DMD: variants seen among roughly 807,000 people sequenced by gnomAD.
DMD encodes dystrophin.
Under a neutral mutation model 330.1 loss-of-function variants are expected in DMD, and 63 were observed. That is an observed-to-expected ratio of 0.19 (90% confidence interval 0.16 to 0.24). The LOEUF (loss-of-function observed/expected upper bound fraction) is 0.24. DMD is among the 10% of genes least tolerant of loss of function. DMD has a pLI of 1.00. For synonymous variants in DMD, 1,223 were observed against 959.8 expected (o/e 1.27, Z -5.07); for missense variants, 3,344 against 2,684.1 (o/e 1.25, Z -5.43).
At chrX:31,403,057 T>C (rs1197271111) in intron 60 of DMD, among the ~76,000 whole-genome samples, 10 of 112,061 alleles carry the variant, frequency 8.9e-5, no homozygotes, top group African/African-American at 2.9e-4. Flanking sequence ...CTAGTATCAC[T>C]AGGAAAAGAC....
intron 34 of DMD, among the ~76,000 whole-genome samples, chrX:32,374,669 A>G (rs965899852): frequency 4.5e-5 from 5 of 111,638 alleles, no homozygotes; most frequent in Admixed American, 9.5e-5. Flanking sequence ...CTAGGTGTCT[A>G]TATCTGTAAT....
At chrX:31,437,230 C>T (rs1181695629) in intron 60 of DMD, among the ~76,000 whole-genome samples, 1 of 112,144 alleles carries the variant, frequency 8.9e-6, no homozygotes. Context: ...AACACAACTG[C>T]TTTACTTACA....
At chrX:32,456,578 TTGTGTGTGTG>T (rs60876331) in intron 25 of DMD, among the ~76,000 whole-genome samples, 3,970 of 89,464 alleles carry the variant, frequency 0.044, 246 homozygotes, top group African/African-American at 0.15. Context: ...CATACATACT[TTGTGTGTGTG>T]TGTGTGTGTG....
Position 31,134,197 on chromosome X carries a change from T to C in DMD, c.10922-3A>G. On this transcript the variant is annotated splice_region_variant and splice_polypyrimidine_tract_variant and intron_variant, in intron 76 of 78. Transcript: ENST00000357033. ...AGGACTGAGAAGATCTTCCTCACCTTAATAAAAGCAAAAACAAATAATGGA... is the reference window on the plus strand; with the variant it reads ...AGGACTGAGAAGATCTTCCTCACCTCAATAAAAGCAAAAACAAATAATGGA... The C allele has an allele frequency of 1.7e-6, 2 of 1,198,237 alleles. No individual in the cohort carries two copies. The highest frequency in any genetic ancestry group is 2.3e-6 in the Non-Finnish European group (2 of 884,296).
intron 62 of DMD, among the ~76,000 whole-genome samples, chrX:31,313,155 AT>A (rs754148823): frequency 4.6e-4 from 49 of 107,015 alleles, no homozygotes; most frequent in African/African-American, 1.6e-3. Flanking sequence ...AGAATCAAAC[AT>A]TTTAAAAATT....
intron 43 of DMD, among the ~76,000 whole-genome samples, chrX:32,247,148 T>C (rs1292688113): frequency 9.0e-6 from 1 of 111,307 alleles, no homozygotes; most frequent in Non-Finnish European, 1.9e-5. Context: ...CAAAGACATA[T>C]ATAAGTAAAG....
intron 7 of DMD, among the ~76,000 whole-genome samples, chrX:32,802,058 T>C (rs767671148): frequency 4.5e-5 from 5 of 112,256 alleles, no homozygotes; most frequent in Non-Finnish European, 9.4e-5. Flanking sequence ...AAGTGAATTG[T>C]AGCTTAATGA....
At chrX:31,682,382 C>G (rs898901900) in intron 52 of DMD, among the ~76,000 whole-genome samples, 1 of 111,381 alleles carries the variant, frequency 9.0e-6, no homozygotes, top group Admixed American at 9.5e-5. Context: ...TTTTGTGTGT[C>G]TCATTGTTGT....
intron 47 of DMD, among the ~76,000 whole-genome samples, chrX:31,913,706 G>C (rs887946947): frequency 2.7e-5 from 3 of 109,282 alleles, no homozygotes; most frequent in African/African-American, 1.0e-4. Context: ...ATCCATTCCA[G>C]AGGAAGATTT....
intron 11 of DMD, among the ~76,000 whole-genome samples, chrX:32,642,288 G>A (rs958261493): frequency 1.8e-5 from 2 of 112,223 alleles, no homozygotes; most frequent in East Asian, 5.6e-4. Context: ...GTGGTTACAT[G>A]TACGTGTCTC....
At chrX:32,369,045 TG>T in intron 34 of DMD, among the ~76,000 whole-genome samples, 1 of 111,422 alleles carries the variant, frequency 9.0e-6, no homozygotes, top group Non-Finnish European at 1.9e-5. Flanking sequence ...ACTATATACT[TG>T]GCACTAAGGG....
intron 44 of DMD, among the ~76,000 whole-genome samples, chrX:32,190,708 C>A (rs747595516): frequency 2.8e-5 from 3 of 107,325 alleles, no homozygotes; most frequent in African/African-American, 1.0e-4. Flanking sequence ...AAAAGCCCAA[C>A]TGACGAGTAG....
intron 43 of DMD, among the ~76,000 whole-genome samples, chrX:32,251,352 T>G (rs1384499590): frequency 9.0e-6 from 1 of 110,932 alleles, no homozygotes; most frequent in Admixed American, 9.6e-5. Context: ...CCACGTTTCA[T>G]GTAGATGTTT....
At chrX:32,684,290 G>A (rs1008874743) in intron 9 of DMD, among the ~76,000 whole-genome samples, 2 of 111,317 alleles carry the variant, frequency 1.8e-5, no homozygotes, top group African/African-American at 6.5e-5. Context: ...TGAAAACTTT[G>A]CTTATAATCT....
At chrX:32,299,171 G>A (rs1185818475) in intron 42 of DMD, among the ~76,000 whole-genome samples, 1 of 110,581 alleles carries the variant, frequency 9.0e-6, no homozygotes, top group East Asian at 2.8e-4. Flanking sequence ...ACTGAATCAA[G>A]GGTATGGTTT....
chrX:33,028,580 C>G (rs927332483), intron 1 of DMD, among the ~76,000 whole-genome samples: 2 of 112,024 alleles, frequency 1.8e-5, no homozygotes, highest in Non-Finnish European at 3.8e-5. Context: ...AAATCATATG[C>G]TTTCTTGCTT....
chrX:32,924,064 C>A (rs1054810331), intron 2 of DMD, among the ~76,000 whole-genome samples: 2 of 111,435 alleles, frequency 1.8e-5, no homozygotes, highest in Admixed American at 1.9e-4. Flanking sequence ...CGATAAAAAT[C>A]AGAAATTATT....
intron 48 of DMD, among the ~76,000 whole-genome samples, chrX:31,847,937 T>G (rs1156414517): frequency 8.9e-6 from 1 of 112,072 alleles, no homozygotes; most frequent in African/African-American, 3.2e-5. Flanking sequence ...ATTAGGTCAA[T>G]TATCCAAGAC....
chrX:32,637,428 G>A (rs1185123684), intron 11 of DMD, among the ~76,000 whole-genome samples: 3 of 111,891 alleles, frequency 2.7e-5, no homozygotes, highest in East Asian at 2.8e-4. Context: ...TGCTCTCTGA[G>A]ATAGTCTATT....
Sources: gnomAD v4.1 joint callset for allele counts (sites outside exome capture counted in the v4.1 genomes callset) on GRCh38, gnomAD v4.1.1 for gene constraint, MANE v1.5 for transcripts, NCBI Gene and HGNC (gene_info 2026-07-23, HGNC 2026-07-21) for gene names.